The following PCDH9 variants were observed in gnomAD, a reference collection of about 807,000 sequenced individuals.
The protein encoded by PCDH9 is protocadherin-9.
In PCDH9, 24 loss-of-function variants were observed where a neutral mutation model predicts 70.6. That is an observed-to-expected ratio of 0.34 (90% CI 0.25 to 0.48). The LOEUF is 0.48. PCDH9 is among the 20% of genes least tolerant of loss of function. The probability of loss-of-function intolerance (pLI) is 0.99; values close to 1 mark genes in which losing one functional copy is unlikely to be tolerated. For missense variants in PCDH9, 1,281 were observed against 1,503.6 expected (o/e 0.85, Z 2.45); for synonymous variants, 562 against 558.5 (o/e 1.01, Z -0.09).
intron 4 of PCDH9, among the ~76,000 whole-genome samples, chr13:66,610,729 C>A (rs2077284005): frequency 6.6e-6 from 1 of 152,198 alleles, no homozygotes; most frequent in Non-Finnish European, 1.5e-5. Flanking sequence ...ACATCCTCTT[C>A]TGAATGAAGC....
At chr13:66,974,636 T>C (rs980616921) in intron 2 of PCDH9, among the ~76,000 whole-genome samples, 2 of 152,058 alleles carry the variant, frequency 1.3e-5, no homozygotes, top group African/African-American at 4.8e-5. Flanking sequence ...TATTGGCAAA[T>C]TGTTTGTGAC....
intron 2 of PCDH9, among the ~76,000 whole-genome samples, chr13:67,146,262 C>A (rs1387954027): frequency 6.6e-6 from 1 of 152,090 alleles, no homozygotes; most frequent in South Asian, 2.1e-4. Context: ...GATAATGAAG[C>A]TGCATGCTCA....
intron 2 of PCDH9, among the ~76,000 whole-genome samples, chr13:67,124,476 T>C (rs774225143): frequency 7.2e-5 from 11 of 152,170 alleles, no homozygotes; most frequent in African/African-American, 1.4e-4. Flanking sequence ...TCTTGTGGAT[T>C]AGAAAGGCAT....
intron 2 of PCDH9, among the ~76,000 whole-genome samples, chr13:67,184,273 C>T (rs2088691616): frequency 1.3e-5 from 2 of 152,088 alleles, no homozygotes; most frequent in Admixed American, 1.3e-4. Context: ...AACAACAAAA[C>T]TTGTGAAGGT....
chr13:66,649,627 A>G lies in PCDH9; in HGVS notation c.3139-18216T>C, dbSNP rs192455715. On this transcript the variant is annotated intron_variant, in intron 3 of 4. Coordinates refer to ENST00000377865, the MANE Select transcript of PCDH9 (RefSeq NM_203487.3). Reference sequence around the variant, plus strand: ...ATACAAAATCATCTGAAGATACAAAACTTACTGGTAATAGTAAGTAACGGA... The same window carrying G: ...ATACAAAATCATCTGAAGATACAAAGCTTACTGGTAATAGTAAGTAACGGA... Among the ~76,000 whole-genome samples, 532 of 152,022 alleles carry G rather than the reference A, an allele frequency of 3.5e-3. 3 individuals carry two copies. The highest frequency in any genetic ancestry group is 0.012 in the African/African-American group (502 of 41,512).
chr13:67,024,914 T>A (rs906651751), intron 2 of PCDH9, among the ~76,000 whole-genome samples: 1 of 152,172 alleles, frequency 6.6e-6, no homozygotes, highest in Non-Finnish European at 1.5e-5. Flanking sequence ...CTGAACTAAG[T>A]CTTCATTGTT....
chr13:66,985,038 T>G (rs1031201453), intron 2 of PCDH9, among the ~76,000 whole-genome samples: 34 of 152,088 alleles, frequency 2.2e-4, no homozygotes, highest in African/African-American at 7.7e-4. Context: ...CTTCTACTAA[T>G]TATTGCTTGC....
At chr13:66,433,796 T>C (rs572288217) in intron 4 of PCDH9, among the ~76,000 whole-genome samples, 3 of 152,034 alleles carry the variant, frequency 2.0e-5, no homozygotes, top group Admixed American at 1.3e-4. Context: ...TACTCTCATA[T>C]TAGGAATATA....
At chr13:67,043,379 T>C in intron 2 of PCDH9, among the ~76,000 whole-genome samples, 1 of 152,076 alleles carries the variant, frequency 6.6e-6, no homozygotes, top group Non-Finnish European at 1.5e-5. Context: ...AAGTGATATG[T>C]AGAAGTTTGA....
intron 3 of PCDH9, among the ~76,000 whole-genome samples, chr13:66,786,085 G>T (rs2080075369): frequency 6.6e-6 from 1 of 151,986 alleles, no homozygotes; most frequent in African/African-American, 2.4e-5. Flanking sequence ...TACTCATACT[G>T]TTCTGATAGC....
At chr13:66,657,846 C>A (rs2077953603) in intron 3 of PCDH9, among the ~76,000 whole-genome samples, 1 of 152,118 alleles carries the variant, frequency 6.6e-6, no homozygotes. Context: ...TCAGAGCCTG[C>A]ACATCAAAGA....
At chr13:67,053,986 T>C (rs1358320688) in intron 2 of PCDH9, among the ~76,000 whole-genome samples, 4 of 152,200 alleles carry the variant, frequency 2.6e-5, no homozygotes, top group East Asian at 1.9e-4. Flanking sequence ...TCTACAATTA[T>C]GGAAGCTCTT....
chr13:66,730,876 G>GTTTTTTTTTTTTTTTTTTTTT (rs758928616), intron 3 of PCDH9, among the ~76,000 whole-genome samples: 14 of 46,358 alleles, frequency 3.0e-4, no homozygotes, highest in South Asian at 1.4e-3. Context: ...GTGTGTGTGT[G>GTTTTTTTTTTTTTTTTTTTTT]TTTTTTTTTT....
intron 3 of PCDH9, among the ~76,000 whole-genome samples, chr13:66,702,383 A>C (rs1200459238): frequency 1.3e-5 from 2 of 152,206 alleles, no homozygotes; most frequent in Non-Finnish European, 2.9e-5. Flanking sequence ...GCACAAAAGC[A>C]GACAGCAGAA....
chr13:67,179,708 G>C (rs895504533), intron 2 of PCDH9, among the ~76,000 whole-genome samples: 2 of 152,034 alleles, frequency 1.3e-5, no homozygotes, highest in African/African-American at 4.8e-5. Context: ...AGTAAATATT[G>C]TACAGATTAT....
At chr13:66,392,479 T>C (rs985287903) in intron 4 of PCDH9, among the ~76,000 whole-genome samples, 1 of 152,154 alleles carries the variant, frequency 6.6e-6, no homozygotes. Flanking sequence ...GTCATAATAC[T>C]ACCATTCTCC....
At chr13:66,748,482 T>A (rs1238019507) in intron 3 of PCDH9, among the ~76,000 whole-genome samples, 4 of 152,202 alleles carry the variant, frequency 2.6e-5, no homozygotes. Flanking sequence ...GAAGTGGTCA[T>A]GTATTTTCAA....
chr13:66,553,716 G>A (rs1961598111), intron 4 of PCDH9, among the ~76,000 whole-genome samples: 1 of 152,082 alleles, frequency 6.6e-6, no homozygotes, highest in Non-Finnish European at 1.5e-5. Flanking sequence ...AGTACCTCTT[G>A]TATATAATAC....
intron 2 of PCDH9, among the ~76,000 whole-genome samples, chr13:66,942,561 G>A (rs999155362): frequency 6.6e-6 from 1 of 151,938 alleles, no homozygotes; most frequent in African/African-American, 2.4e-5. Flanking sequence ...AAATTCAACA[G>A]TTTTATCAAA....
Sources: allele counts gnomAD v4.1 joint callset (sites outside exome capture counted in the v4.1 genomes callset), GRCh38; gene constraint gnomAD v4.1.1; transcripts MANE v1.5; gene names NCBI Gene and HGNC (gene_info 2026-07-23, HGNC 2026-07-21).